Variants in LRRC38 observed in about 807,000 individuals in gnomAD.
LRRC38 encodes the protein leucine rich repeat containing 38, also known as leucine-rich repeat-containing protein 38.
LRRC38 carries 5 observed loss-of-function variants against 16.4 expected under a neutral mutation model. The observed-to-expected ratio is 0.31, with a 90% CI of 0.16 to 0.64. The LOEUF (loss-of-function observed/expected upper bound fraction) is 0.64, where lower values mean the gene tolerates loss of function less well. Ranked by LOEUF, LRRC38 falls within the 30% of genes least tolerant of loss-of-function variation. The pLI is 0.80. For synonymous variants in LRRC38, 191 were observed against 190.2 expected (o/e 1.00, Z -0.04); for missense variants, 341 against 401.8 (o/e 0.85, Z 1.29).
intron 1 of LRRC38, among the ~76,000 whole-genome samples, chr1:13,477,059 C>T (rs569445639): frequency 2.6e-5 from 4 of 152,144 alleles, no homozygotes; most frequent in Admixed American, 6.5e-5. Context: ...GAGCTGAGAT[C>T]GCCCCACTGC....
chr1:13,509,776 T>C (rs1239511458), intron 1 of LRRC38, among the ~76,000 whole-genome samples: 1 of 152,120 alleles, frequency 6.6e-6, no homozygotes, highest in African/African-American at 2.4e-5. Flanking sequence ...ACACTCTTTG[T>C]TTATAAGAGA....
rs1406641269 is a variant in LRRC38, at chr1:13,513,270, G to A, written c.324C>T (p.Phe108=). Residue 108 remains phenylalanine, a synonymous_variant, in exon 1 of 2, where the codon TTC becomes TTT. Coordinates refer to ENST00000376085, the MANE Select transcript of LRRC38 (RefSeq NM_001010847.2). ...GTFSGSAKLV[F]LDLSYNNLTQ... ...TCAAGTTGTTGTAGCTGAGGTCGAGGAACACGAGCTTGGCCGAGCCGCTGA... is the reference window on the plus strand; with the variant it reads ...TCAAGTTGTTGTAGCTGAGGTCGAGAAACACGAGCTTGGCCGAGCCGCTGA... The A allele has an allele frequency of 1.9e-6, 3 of 1,550,446 alleles. No homozygotes were observed. Among genetic ancestry groups the A allele is most frequent in the African/African-American group, 2.7e-5 (2 of 73,044 alleles).
Position 13,476,975 on chromosome 1 carries a change from T to C in LRRC38, c.632-876A>G, listed in dbSNP as rs566860104. ...ACAAAATTAGCCGGGCATGGTGGTGTGTTCCTGTAATTCCAGCTACTCAGG... is the reference window on the plus strand; with the variant it reads ...ACAAAATTAGCCGGGCATGGTGGTGCGTTCCTGTAATTCCAGCTACTCAGG... On this transcript the variant is annotated intron_variant, in intron 1 of 1. Coordinates refer to ENST00000376085, the MANE Select transcript of LRRC38 (RefSeq NM_001010847.2). Among the ~76,000 whole-genome samples the C allele has an allele frequency of 3.5e-4, 54 of 152,290 alleles. 1 individual carries two copies. The South Asian group carries it at 4.6e-3, about 13-fold the overall frequency.
intron 1 of LRRC38, among the ~76,000 whole-genome samples, chr1:13,511,401 C>G (rs555660596): frequency 6.6e-6 from 1 of 152,032 alleles, no homozygotes; most frequent in Non-Finnish European, 1.5e-5. Context: ...TTGGAGATCT[C>G]AGAGGTCAAC....
intron 1 of LRRC38, among the ~76,000 whole-genome samples, chr1:13,500,915 A>T (rs546144490): frequency 2.3e-4 from 35 of 152,262 alleles, no homozygotes; most frequent in African/African-American, 7.9e-4. Context: ...TTGAGGAGGG[A>T]GGGGAGAGGA....
intron 1 of LRRC38, among the ~76,000 whole-genome samples, chr1:13,510,285 G>A (rs1639259793): frequency 1.3e-5 from 2 of 152,194 alleles, no homozygotes; most frequent in Non-Finnish European, 1.5e-5. Context: ...CCTCACGGAG[G>A]AGGTACTGGG....
At chr1:13,483,896 C>T (rs1181033529) in intron 1 of LRRC38, among the ~76,000 whole-genome samples, 1 of 144,068 alleles carries the variant, frequency 6.9e-6, no homozygotes, top group African/African-American at 2.6e-5. Flanking sequence ...TTAGGGTGTT[C>T]CAGAGAAACA....
At chr1:13,480,776 G>T (rs1638844360) in intron 1 of LRRC38, among the ~76,000 whole-genome samples, 1 of 152,162 alleles carries the variant, frequency 6.6e-6, no homozygotes, top group Non-Finnish European at 1.5e-5. Flanking sequence ...CAGCCATGTG[G>T]AACTGTGAGT....
chr1:13,485,444 G>T (rs1436434240), intron 1 of LRRC38, among the ~76,000 whole-genome samples: 3 of 151,830 alleles, frequency 2.0e-5, no homozygotes. Context: ...GGTGGCGGGC[G>T]ACTGTCCCAT....
At chr1:13,496,729 G>A (rs766235055) in intron 1 of LRRC38, among the ~76,000 whole-genome samples, 1 of 152,150 alleles carries the variant, frequency 6.6e-6, no homozygotes, top group Non-Finnish European at 1.5e-5. Flanking sequence ...AACAGACGAG[G>A]CCCTGCTCTT....
At chr1:13,494,409 T>C (rs1395658358) in intron 1 of LRRC38, among the ~76,000 whole-genome samples, 1 of 152,018 alleles carries the variant, frequency 6.6e-6, no homozygotes, top group Non-Finnish European at 1.5e-5. Flanking sequence ...TTTTTTTTTT[T>C]TTTTTTTTTC....
intron 1 of LRRC38, among the ~76,000 whole-genome samples, chr1:13,491,667 TTTC>T (rs1322185270): frequency 6.6e-6 from 1 of 151,820 alleles, no homozygotes; most frequent in Non-Finnish European, 1.5e-5. Flanking sequence ...TCTCAGCCAT[TTTC>T]TTTTCTCTCT....
intron 1 of LRRC38, among the ~76,000 whole-genome samples, chr1:13,490,898 A>G (rs610136): frequency 0.34 from 52,038 of 151,924 alleles, 10,681 homozygotes; most frequent in African/African-American, 0.58. Flanking sequence ...CACGCTAGAA[A>G]AAGAGATGTG....
At chr1:13,503,957 T>C (rs1348827113) in intron 1 of LRRC38, among the ~76,000 whole-genome samples, 1 of 152,204 alleles carries the variant, frequency 6.6e-6, no homozygotes, top group Non-Finnish European at 1.5e-5. Context: ...GCCTCCGACG[T>C]GCAAGAGCCG....
At chr1:13,483,951 G>A (rs1343828287) in intron 1 of LRRC38, among the ~76,000 whole-genome samples, 1 of 151,602 alleles carries the variant, frequency 6.6e-6, no homozygotes, top group East Asian at 1.9e-4. Flanking sequence ...GAGCGGGGAG[G>A]GGAGGGGAGA....
intron 1 of LRRC38, among the ~76,000 whole-genome samples, chr1:13,480,255 G>T (rs1638836106): frequency 1.3e-5 from 2 of 152,248 alleles, no homozygotes; most frequent in Non-Finnish European, 2.9e-5. Flanking sequence ...TGAGGCAAGA[G>T]AATTGCTTGA....
chr1:13,502,912 C>T (rs914773986), intron 1 of LRRC38, among the ~76,000 whole-genome samples: 3 of 152,224 alleles, frequency 2.0e-5, no homozygotes, highest in African/African-American at 7.2e-5. Context: ...CACACATCAT[C>T]TCATTGGGGT....
In LRRC38 at chr1:13,513,282, G is replaced by A. The variant is rs887879732; in HGVS notation, c.312C>T (p.Ala104=). Residue 104 remains alanine (A), a synonymous_variant, in exon 1 of 2, where the codon GCC becomes GCT. Transcript: ENST00000376085. ...SLEEGTFSGS[A]KLVFLDLSYN... ...AGCTGAGGTCGAGGAACACGAGCTT[G>A]GCCGAGCCGCTGAACGTGCCCTCCT... The A allele has an allele frequency of 1.9e-6, 3 of 1,550,714 alleles. No individual in the cohort carries two copies. Among genetic ancestry groups the A allele is most frequent in the Non-Finnish European group, 2.6e-6 (3 of 1,147,002 alleles).
chr1:13,492,292 C>T (rs1456792710), intron 1 of LRRC38, among the ~76,000 whole-genome samples: 1 of 152,144 alleles, frequency 6.6e-6, no homozygotes, highest in African/African-American at 2.4e-5. Context: ...GTCAGAATTC[C>T]CTTGCTTTTT....
Sources: allele counts gnomAD v4.1 joint callset (sites outside exome capture counted in the v4.1 genomes callset), GRCh38; gene constraint gnomAD v4.1.1; transcripts MANE v1.5; gene names NCBI Gene and HGNC (gene_info 2026-07-23, HGNC 2026-07-21).